STXBP4: variants seen among roughly 807,000 people sequenced by gnomAD.
STXBP4 encodes syntaxin binding protein 4, also known as syntaxin-binding protein 4.
A neutral mutation model predicts 76.1 loss-of-function variants in STXBP4; 55 were observed. The observed-to-expected ratio is 0.72, with a 90% CI of 0.58 to 0.91. The LOEUF (loss-of-function observed/expected upper bound fraction) is 0.91, where lower values mean the gene tolerates loss of function less well. Among genes scored for constraint, STXBP4 ranks in the 40% least tolerant of loss-of-function variants. STXBP4 has a pLI of 0.00. For missense variants in STXBP4, 618 were observed against 636.9 expected (o/e 0.97, Z 0.32); for synonymous variants, 201 against 220.2 (o/e 0.91, Z 0.77).
intron 12 of STXBP4, among the ~76,000 whole-genome samples, chr17:55,059,782 G>C (rs1488985933): frequency 6.6e-6 from 1 of 152,084 alleles, no homozygotes; most frequent in African/African-American, 2.4e-5. Flanking sequence ...AGAAGCTCTT[G>C]TCCAGAAAAT....
chr17:55,183,394 C>T, the STXBP4 span, among the ~76,000 whole-genome samples: 3 of 151,722 alleles, frequency 2.0e-5, no homozygotes, highest in African/African-American at 7.3e-5. Context: ...AAGACCAGCC[C>T]GGGCAAGACA....
chr17:55,043,675 G>A (rs1453711165), intron 11 of STXBP4: 7 of 1,547,766 alleles, frequency 4.5e-6, no homozygotes, highest in Non-Finnish European at 8.7e-7. Context: ...GATCCTGTGA[G>A]TTCTTTGGGA....
intron 16 of STXBP4, among the ~76,000 whole-genome samples, chr17:55,093,202 C>T (rs1317676564): frequency 6.6e-6 from 1 of 151,972 alleles, no homozygotes; most frequent in African/African-American, 2.4e-5. Context: ...CCACATTGGC[C>T]CGGCTGGTCT....
chr17:55,042,401 A>G (rs1346949242), intron 10 of STXBP4, among the ~76,000 whole-genome samples: 3 of 151,578 alleles, frequency 2.0e-5, no homozygotes, highest in Admixed American at 6.6e-5. Context: ...AGTGGTTGAT[A>G]TTATTAATTG....
chr17:55,074,187 A>G (rs1277689934), intron 13 of STXBP4, among the ~76,000 whole-genome samples: 1 of 152,238 alleles, frequency 6.6e-6, no homozygotes, highest in Non-Finnish European at 1.5e-5. Context: ...AAAGTTAAAT[A>G]CTTTAAATAT....
the STXBP4 span, among the ~76,000 whole-genome samples, chr17:55,208,754 G>A: frequency 2.0e-5 from 3 of 152,074 alleles, no homozygotes; most frequent in Non-Finnish European, 4.4e-5. Flanking sequence ...GCAGGGAGAT[G>A]GTATATTTGT....
chr17:55,166,760 G>T lies in STXBP4; in HGVS notation c.*6849G>T, dbSNP rs904331920. The T allele has an allele frequency of 6.6e-6, 1 of 152,220 alleles. No homozygotes were observed. The highest frequency in any genetic ancestry group is 6.6e-5 in the Admixed American group (1 of 15,256). The allele number at this position is 152,220 out of a possible 1,614,324, so 9.4% of individuals were successfully genotyped here. A position where few individuals can be genotyped will look rare whatever the true frequency, so the allele number is the denominator to read the frequency against. The stretch of plus-strand genomic sequence containing the variant: ...CAAGAACTTCCACCTCAAGAGAGTT[G>T]CTGGCCTGTTTGTCCGGACACTCAT... On this transcript the variant is annotated 3_prime_UTR_variant, in exon 18 of 18. Transcript: ENST00000376352.
chr17:54,976,916 A>C lies in STXBP4; in HGVS notation c.-157+8101A>C, dbSNP rs369513828. Among the ~76,000 whole-genome samples, 223 of 152,216 alleles carry C rather than the reference A, an allele frequency of 1.5e-3. 7 individuals are homozygous for C. In the South Asian group the frequency reaches 0.045, roughly 31 times the overall value. ...CTAACCAATCACTTGCTACCTGTTG[A>C]CCAACTCCTCTTCCTTACCCCTCCC... On this transcript the variant is annotated intron_variant, in intron 1 of 17. Coordinates refer to ENST00000376352, the MANE Select transcript of STXBP4 (RefSeq NM_178509.6).
chr17:55,064,097 T>C (rs1159296463), intron 12 of STXBP4, among the ~76,000 whole-genome samples: 1 of 152,202 alleles, frequency 6.6e-6, no homozygotes, highest in Non-Finnish European at 1.5e-5. Flanking sequence ...CAAGCTATTT[T>C]AGGGTTAAAA....
At chr17:55,193,696 G>A in the STXBP4 span, among the ~76,000 whole-genome samples, 1 of 151,016 alleles carries the variant, frequency 6.6e-6, no homozygotes, top group Non-Finnish European at 1.5e-5. Flanking sequence ...AAACTAAGGG[G>A]CTTCTAAATA....
intron 6 of STXBP4, 43 bp from the exon 7 acceptor site, chr17:55,000,765 A>G: frequency 1.6e-6 from 2 of 1,269,860 alleles, no homozygotes; most frequent in Non-Finnish European, 2.3e-6. Flanking sequence ...CAAGTGACCT[A>G]CTTTAGTAAA....
At position 54,986,186 on chromosome 17, in the gene STXBP4, C is replaced by T; in HGVS notation, c.-34C>T. ...CTCTTCATCAAGATCTTCATTTATA[C>T]AGCTGTTAAATCCAAGGCTACTTTG... On this transcript the variant is annotated 5_prime_UTR_variant, in exon 3 of 18. Transcript: ENST00000376352. 6.4e-7 allele frequency: 1 copy of T among 1,552,938 alleles called. No homozygotes were observed. Among genetic ancestry groups the T allele is most frequent in the Non-Finnish European group, 8.8e-7 (1 of 1,134,574 alleles).
intron 16 of STXBP4, among the ~76,000 whole-genome samples, chr17:55,095,602 A>G (rs537558596): frequency 1.3e-5 from 2 of 152,340 alleles, no homozygotes; most frequent in East Asian, 3.9e-4. Context: ...GCCTTCAACA[A>G]CAGAGTATTA....
At chr17:55,066,511 A>AC (rs2079053376) in intron 12 of STXBP4, among the ~76,000 whole-genome samples, 1 of 152,168 alleles carries the variant, frequency 6.6e-6, no homozygotes. Context: ...GATGTAAGCC[A>AC]CTGTGCCTGG....
the STXBP4 span, among the ~76,000 whole-genome samples, chr17:55,204,884 A>G: frequency 6.6e-6 from 1 of 151,956 alleles, no homozygotes; most frequent in Non-Finnish European, 1.5e-5. Flanking sequence ...ATCTAGAGCT[A>G]CATACACATA....
Position 55,138,833 on chromosome 17 carries a change from A to G in STXBP4, c.1490-2477A>G, listed in dbSNP as rs568070744. ...TGGAAATCAGAAGTCCTATTTTTGT[A>G]TAAGGTAGGCTATTTGTGTTTTTAG... On this transcript the variant is annotated intron_variant, in intron 16 of 17. Transcript: ENST00000376352. 4.6e-5 allele frequency among the ~76,000 whole-genome samples: 7 copies of G among 152,208 alleles called. No individual in the cohort carries two copies. The South Asian group carries it at 1.2e-3, about 27-fold the overall frequency.
chr17:55,176,951 C>A (rs564840509), downstream of STXBP4, among the ~76,000 whole-genome samples: 5 of 152,284 alleles, frequency 3.3e-5, no homozygotes, highest in Non-Finnish European at 5.9e-5. Flanking sequence ...CCCACCTCCC[C>A]ACTTAGTTCT....
At chr17:55,020,507 T>C (rs1425947514) in intron 8 of STXBP4, among the ~76,000 whole-genome samples, 1 of 152,212 alleles carries the variant, frequency 6.6e-6, no homozygotes, top group Admixed American at 6.5e-5. Flanking sequence ...TTCCCTCATA[T>C]GTTGTAAATT....
the STXBP4 span, among the ~76,000 whole-genome samples, chr17:55,183,894 A>T: frequency 6.6e-6 from 1 of 152,232 alleles, no homozygotes; most frequent in Non-Finnish European, 1.5e-5. Context: ...TTATTTCAAT[A>T]TCTCACTAAG....
Sources: allele counts gnomAD v4.1 joint callset (sites outside exome capture counted in the v4.1 genomes callset), GRCh38; gene constraint gnomAD v4.1.1; transcripts MANE v1.5; gene names NCBI Gene and HGNC (gene_info 2026-07-23, HGNC 2026-07-21).